Variants in PDZRN4 observed in about 807,000 individuals in gnomAD.
The protein encoded by PDZRN4 is PDZ domain containing ring finger 4.
PDZRN4 carries 70 observed loss-of-function variants against 99.0 expected under a neutral mutation model. The ratio of observed to expected loss-of-function variants is 0.71; its 90% CI spans 0.58 to 0.86. PDZRN4 has a LOEUF of 0.86. Ranked by LOEUF, PDZRN4 falls within the 40% of genes least tolerant of loss-of-function variation. The pLI is 0.00. For missense variants in PDZRN4, 1,474 were observed against 1,331.2 expected, an observed-to-expected ratio of 1.11 and a Z score of -1.67; for synonymous variants, 551 against 501.6, an observed-to-expected ratio of 1.10 and a Z score of -1.32.
At chr12:41,302,396 T>A (rs1951541988) in intron 3 of PDZRN4, among the ~76,000 whole-genome samples, 1 of 151,860 alleles carries the variant, frequency 6.6e-6, no homozygotes, top group Non-Finnish European at 1.5e-5. Context: ...CCAAAGTATA[T>A]CCAAGGGAAG....
At chr12:41,543,351 G>A (rs886609149) in intron 5 of PDZRN4, among the ~76,000 whole-genome samples, 2 of 152,180 alleles carry the variant, frequency 1.3e-5, no homozygotes, top group African/African-American at 2.4e-5. Flanking sequence ...GTGAGAGAGA[G>A]AGAGAGATCT....
intron 3 of PDZRN4, among the ~76,000 whole-genome samples, chr12:41,349,408 A>G (rs541473218): frequency 6.6e-6 from 1 of 152,052 alleles, no homozygotes; most frequent in East Asian, 1.9e-4. Context: ...TAAAGCTTAT[A>G]GTCAAATTTG....
In PDZRN4 at chr12:41,258,888, G is replaced by A. The variant is rs187977479; in HGVS notation, c.843+64700G>A. On this transcript the variant is annotated intron_variant, in intron 3 of 9. Coordinates refer to ENST00000402685, the MANE Select transcript of PDZRN4 (RefSeq NM_001164595.2). ...GATTAATGTTATGAGTAGTGATGAT[G>A]ATGATGGAGATGGTAAATACAGACT... 1.4e-4 allele frequency among the ~76,000 whole-genome samples: 21 copies of A among 152,202 alleles called. No individual in the cohort carries two copies. The East Asian group carries it at 3.3e-3, about 24-fold the overall frequency.
chr12:41,332,090 A>G (rs1263027197), intron 3 of PDZRN4, among the ~76,000 whole-genome samples: 1 of 152,140 alleles, frequency 6.6e-6, no homozygotes, highest in Non-Finnish European at 1.5e-5. Flanking sequence ...TCTGGTTAGT[A>G]TTGAGACCCC....
At chr12:41,479,574 T>C (rs547562162) in intron 3 of PDZRN4, among the ~76,000 whole-genome samples, 2 of 152,294 alleles carry the variant, frequency 1.3e-5, no homozygotes, top group South Asian at 4.1e-4. Flanking sequence ...ATCACTGCCA[T>C]CATCATCAGT....
intron 3 of PDZRN4, among the ~76,000 whole-genome samples, chr12:41,488,673 G>A (rs901114527): frequency 4.6e-5 from 7 of 152,022 alleles, no homozygotes; most frequent in South Asian, 2.1e-4. Flanking sequence ...TAACTTCTCC[G>A]GGCTGGAGGG....
intron 5 of PDZRN4, among the ~76,000 whole-genome samples, chr12:41,510,273 T>C (rs1435981256): frequency 6.6e-6 from 1 of 152,162 alleles, no homozygotes; most frequent in East Asian, 1.9e-4. Context: ...TGTTGTATAA[T>C]ATTCTAATTT....
At chr12:41,386,115 CTATT>C (rs1278953907) in intron 3 of PDZRN4, among the ~76,000 whole-genome samples, 1 of 152,186 alleles carries the variant, frequency 6.6e-6, no homozygotes, top group Non-Finnish European at 1.5e-5. Context: ...AATTCAGTAT[CTATT>C]CATGTTAGAA....
At position 41,540,697 on chromosome 12, in the gene PDZRN4, A is replaced by G. The variant is rs188494100; in HGVS notation, c.1204-11959A>G. 1.0e-3 allele frequency among the ~76,000 whole-genome samples: 156 copies of G among 152,234 alleles called. 1 individual carries two copies. The highest frequency in any genetic ancestry group is 3.1e-3 in the African/African-American group (130 of 41,530). On this transcript the variant is annotated intron_variant, in intron 5 of 9. Transcript: ENST00000402685. ...ATTAGTTTTTGTTAACATGCCCCAG[A>G]TTCTTTTCTTTCATTAATTTCTAGC... is the stretch of plus-strand genomic sequence containing the variant.
chr12:41,233,427 C>A (rs1951043189), intron 3 of PDZRN4, among the ~76,000 whole-genome samples: 1 of 152,142 alleles, frequency 6.6e-6, no homozygotes, highest in Admixed American at 6.5e-5. Context: ...ACCCAGCCAT[C>A]CCATTACTGG....
intron 1 of PDZRN4, among the ~76,000 whole-genome samples, chr12:41,190,916 A>G (rs1423451295): frequency 6.6e-6 from 1 of 152,224 alleles, no homozygotes; most frequent in Non-Finnish European, 1.5e-5. Context: ...AATTATGCAA[A>G]ACCAAATAGG....
At chr12:41,220,144 T>A (rs1950945499) in intron 3 of PDZRN4, among the ~76,000 whole-genome samples, 1 of 152,148 alleles carries the variant, frequency 6.6e-6, no homozygotes. Context: ...AGGGCTGCCA[T>A]AACAAAGTCC....
chr12:41,361,328 C>G (rs1218434251), intron 3 of PDZRN4, among the ~76,000 whole-genome samples: 1 of 152,008 alleles, frequency 6.6e-6, no homozygotes, highest in Non-Finnish European at 1.5e-5. Flanking sequence ...AGGTTTCCTC[C>G]TAATACAACA....
At chr12:41,316,365 T>C (rs752795795) in intron 3 of PDZRN4, among the ~76,000 whole-genome samples, 2 of 152,108 alleles carry the variant, frequency 1.3e-5, no homozygotes, top group Non-Finnish European at 2.9e-5. Context: ...GCTTTCATTG[T>C]ATGATTAGTA....
intron 3 of PDZRN4, among the ~76,000 whole-genome samples, chr12:41,419,535 A>G (rs1687015668): frequency 6.6e-6 from 1 of 152,050 alleles, no homozygotes; most frequent in Non-Finnish European, 1.5e-5. Flanking sequence ...GTGCCTTGGG[A>G]TTTTTACCTA....
intron 3 of PDZRN4, among the ~76,000 whole-genome samples, chr12:41,221,688 G>T (rs1324711331): frequency 1.3e-5 from 2 of 152,038 alleles, no homozygotes; most frequent in African/African-American, 4.8e-5. Flanking sequence ...GCAGTTAGCG[G>T]TCAAATTACG....
At chr12:41,381,816 A>G (rs1386182941) in intron 3 of PDZRN4, among the ~76,000 whole-genome samples, 1 of 152,128 alleles carries the variant, frequency 6.6e-6, no homozygotes, top group Non-Finnish European at 1.5e-5. Context: ...TGGTATGCGT[A>G]CATTTGAGGA....
At chr12:41,199,757 C>G (rs974575415) in intron 3 of PDZRN4, among the ~76,000 whole-genome samples, 3 of 152,112 alleles carry the variant, frequency 2.0e-5, no homozygotes, top group Admixed American at 1.3e-4. Context: ...TGAAATCACT[C>G]AGACACTGAA....
intron 3 of PDZRN4, among the ~76,000 whole-genome samples, chr12:41,413,273 T>C (rs1453159536): frequency 6.6e-6 from 1 of 151,988 alleles, no homozygotes; most frequent in African/African-American, 2.4e-5. Context: ...GAATAGAAAG[T>C]TAAAAATCAT....
Sources: gnomAD v4.1 joint callset for allele counts (sites outside exome capture counted in the v4.1 genomes callset) on GRCh38, gnomAD v4.1.1 for gene constraint, MANE v1.5 for transcripts, NCBI Gene and HGNC (gene_info 2026-07-23, HGNC 2026-07-21) for gene names.